Variants in ATF7 observed in about 807,000 individuals in gnomAD.
ATF7 encodes activating transcription factor 7.
Under a neutral mutation model 50.4 loss-of-function variants are expected in ATF7, and 10 were observed. That is an observed-to-expected ratio of 0.20 (90% CI 0.12 to 0.34). The LOEUF (loss-of-function observed/expected upper bound fraction) is 0.34, where lower values mean the gene tolerates loss of function less well. Ranked by LOEUF, ATF7 falls within the 10% of genes least tolerant of loss-of-function variation. The pLI is 1.00. For missense variants in ATF7, 465 were observed against 613.9 expected (o/e 0.76, Z 2.56); for synonymous variants, 201 against 226.4 (o/e 0.89, Z 1.01).
chr12:53,599,917 G>A (rs1229685120), intron 2 of ATF7, among the ~76,000 whole-genome samples: 1 of 151,714 alleles, frequency 6.6e-6, no homozygotes, highest in East Asian at 1.9e-4. Flanking sequence ...AATAGAGGAA[G>A]GTCTAGGAAG....
At chr12:53,597,581 G>A (rs374214817) in intron 2 of ATF7, among the ~76,000 whole-genome samples, 2 of 152,032 alleles carry the variant, frequency 1.3e-5, no homozygotes, top group Non-Finnish European at 2.9e-5. Flanking sequence ...AGGCTCAGAC[G>A]GGAGGACCAC....
intron 2 of ATF7, among the ~76,000 whole-genome samples, chr12:53,558,391 G>C (rs1940878821): frequency 6.6e-6 from 1 of 152,178 alleles, no homozygotes; most frequent in African/African-American, 2.4e-5. Flanking sequence ...AACAGGGGAA[G>C]AGAAAAAGAA....
intron 1 of ATF7, among the ~76,000 whole-genome samples, chr12:53,608,550 C>T (rs2684328): frequency 0.93 from 141,138 of 152,182 alleles, 66,367 homozygotes; most frequent in East Asian, 1. Flanking sequence ...ATCAGACAAT[C>T]AGAAATTGCC....
chr12:53,613,834 AT>A (rs1943999171), intron 1 of ATF7, among the ~76,000 whole-genome samples: 1 of 145,210 alleles, frequency 6.9e-6, no homozygotes, highest in Non-Finnish European at 1.5e-5. Context: ...GCCCTCAATA[AT>A]TTTTAAAAGT....
rs1034726196 is a variant in ATF7 at position 53,544,533 on chromosome 12, G to A, written c.146-1085C>T. ...AGGCTGAGATGGGTGTATCACTTGA[G>A]GTCAGAAGTTTGAGACCAGCCTGGC... On this transcript the variant is annotated intron_variant, in intron 3 of 11. Transcript: ENST00000420353. Among the ~76,000 whole-genome samples, 4 of 152,194 alleles carry A rather than the reference G, an allele frequency of 2.6e-5. No homozygotes were observed. The South Asian group carries it at 8.3e-4, about 32-fold the overall frequency.
At chr12:53,582,330 A>G (rs1942465754) in intron 2 of ATF7, among the ~76,000 whole-genome samples, 1 of 150,814 alleles carries the variant, frequency 6.6e-6, no homozygotes, top group Non-Finnish European at 1.5e-5. Context: ...TCTGTCTAAA[A>G]AAAAAAAAAA....
chr12:53,605,802 G>C lies in ATF7; in HGVS notation c.-21-4781C>G, dbSNP rs551736296. Reference sequence around the variant, plus strand: ...GTATGGGGTAGAATATAGAGATCTAGATTAAAACTTCAGGAAGCCTTTCTT... The same window carrying C: ...GTATGGGGTAGAATATAGAGATCTACATTAAAACTTCAGGAAGCCTTTCTT... On this transcript the variant is annotated intron_variant, in intron 1 of 11. Coordinates refer to ENST00000420353, the MANE Select transcript of ATF7 (RefSeq NM_006856.3). Among the ~76,000 whole-genome samples, 6 of 152,270 alleles carry C rather than the reference G, an allele frequency of 3.9e-5. No individual in the cohort carries two copies. The East Asian group carries it at 1.2e-3, about 29-fold the overall frequency.
chr12:53,597,831 A>C (rs2137807088), intron 2 of ATF7, among the ~76,000 whole-genome samples: 1 of 151,142 alleles, frequency 6.6e-6, no homozygotes, highest in African/African-American at 2.4e-5. Flanking sequence ...AAAAAATAGT[A>C]TCCTGAGTTA....
chr12:53,582,231 A>G (rs751685122), intron 2 of ATF7, among the ~76,000 whole-genome samples: 22 of 151,224 alleles, frequency 1.5e-4, no homozygotes, highest in Non-Finnish European at 2.8e-4. Flanking sequence ...CAGGAGGCTG[A>G]GGCAGGAGAA....
chr12:53,546,667 C>T (rs995192019), intron 3 of ATF7, among the ~76,000 whole-genome samples: 1 of 151,710 alleles, frequency 6.6e-6, no homozygotes, highest in Non-Finnish European at 1.5e-5. Context: ...CCAGGCTGGT[C>T]TCAAACTCCT....
intron 3 of ATF7, among the ~76,000 whole-genome samples, chr12:53,547,168 T>C (rs1939988774): frequency 6.6e-6 from 1 of 150,544 alleles, no homozygotes; most frequent in African/African-American, 2.4e-5. Context: ...GTATTTTTAG[T>C]AGAGATGGGG....
At chr12:53,577,701 G>C (rs975832437) in intron 2 of ATF7, among the ~76,000 whole-genome samples, 5 of 146,496 alleles carry the variant, frequency 3.4e-5, no homozygotes, top group African/African-American at 1.3e-4. Context: ...GGGAGAAAGA[G>C]CGAGACTCCG....
rs555834767 is a variant in ATF7 at position 53,603,819 on chromosome 12, G to C, written c.-21-2798C>G. Among the ~76,000 whole-genome samples the C allele has an allele frequency of 7.9e-5, 12 of 151,228 alleles. No individual in the cohort carries two copies. In the South Asian group the frequency reaches 2.5e-3, roughly 32 times the overall value. ...TGCTACATATAAAGAATGTCATTTT[G>C]CTGATTTCTATCTAACACTTAAAAC... is the stretch of plus-strand genomic sequence containing the variant. On this transcript the variant is annotated intron_variant, in intron 1 of 11. Coordinates refer to ENST00000420353, the MANE Select transcript of ATF7 (RefSeq NM_006856.3).
chr12:53,570,410 T>C (rs1378759685), intron 2 of ATF7, among the ~76,000 whole-genome samples: 4 of 152,160 alleles, frequency 2.6e-5, no homozygotes, highest in African/African-American at 9.7e-5. Context: ...AGGCAGGGGC[T>C]AAGAGGTTGG....
chr12:53,610,064 G>A (rs1259209456), intron 1 of ATF7, among the ~76,000 whole-genome samples: 1 of 151,732 alleles, frequency 6.6e-6, no homozygotes, highest in Non-Finnish European at 1.5e-5. Context: ...TGATCCGCCC[G>A]CCTCGGCCTC....
chr12:53,577,728 A>G (rs11170604), intron 2 of ATF7, among the ~76,000 whole-genome samples: 9 of 147,370 alleles, frequency 6.1e-5, no homozygotes, highest in South Asian at 2.1e-4. Flanking sequence ...AAAAAAAAAA[A>G]AAAGAAAGAA....
chr12:53,519,335 C>T (rs1937945736), intron 11 of ATF7, among the ~76,000 whole-genome samples: 2 of 152,160 alleles, frequency 1.3e-5, no homozygotes, highest in African/African-American at 4.8e-5. Flanking sequence ...GTGACAGTGT[C>T]TTATTCATCA....
chr12:53,532,665 T>C (rs1454520893), intron 7 of ATF7, 42 bp from the exon 8 acceptor site: 1 of 1,382,884 alleles, frequency 7.2e-7, no homozygotes, highest in Non-Finnish European at 1.0e-6. Flanking sequence ...GAAGGGAACA[T>C]AATACCATCG....
chr12:53,519,048 C>T (rs1468683639), intron 11 of ATF7, among the ~76,000 whole-genome samples: 13 of 147,124 alleles, frequency 8.8e-5, no homozygotes, highest in Admixed American at 6.0e-4. Flanking sequence ...AGCGAGACTC[C>T]GTCTCAAAAA....
Sources: gnomAD v4.1 joint callset for allele counts (sites outside exome capture counted in the v4.1 genomes callset) on GRCh38, gnomAD v4.1.1 for gene constraint, MANE v1.5 for transcripts, NCBI Gene and HGNC (gene_info 2026-07-23, HGNC 2026-07-21) for gene names.